Variants in CARMIL2 observed in about 807,000 individuals in gnomAD.
CARMIL2 encodes the protein capping protein, Arp2/3 and myosin-I linker protein 2.
CARMIL2 carries 96 observed loss-of-function variants against 173.3 expected under a neutral mutation model. The ratio of observed to expected loss-of-function variants is 0.55; its 90% CI spans 0.47 to 0.66. CARMIL2 has a LOEUF of 0.66. Among genes scored for constraint, CARMIL2 ranks in the 30% least tolerant of loss-of-function variants. CARMIL2 has a pLI of 0.00. For synonymous variants in CARMIL2, 830 were observed against 817.1 expected, an observed-to-expected ratio of 1.02 and a Z score of -0.27; for missense variants, 1,771 against 1,906.7, an observed-to-expected ratio of 0.93 and a Z score of 1.33.
Position 67,654,669 on chromosome 16 carries a change from A to G in CARMIL2, c.3559A>G (p.Thr1187Ala). ...MILLPAEEEA[T>A]LGARPDKRRP... Reference sequence around the variant, plus strand: ...ACTGCTGCCTGCCGAGGAGGAGGCAACGCTGGGTGCCAGACCCGACAAGGT... The same window carrying G: ...ACTGCTGCCTGCCGAGGAGGAGGCAGCGCTGGGTGCCAGACCCGACAAGGT... Residue 1187 changes from threonine (T) to alanine (A), a missense_variant, in exon 31 of 38, where the codon ACG becomes GCG. Coordinates refer to ENST00000334583, the MANE Select transcript of CARMIL2 (RefSeq NM_001013838.3). The G allele has an allele frequency of 6.3e-7, 1 of 1,587,324 alleles. No homozygotes were observed. The highest frequency in any genetic ancestry group is 8.6e-7 in the Non-Finnish European group (1 of 1,165,474).
At position 67,646,691 on chromosome 16, in the gene CARMIL2, T is replaced by C. The variant is rs776412703; in HGVS notation, c.467-23T>C. The C allele has an allele frequency of 1.2e-6, 2 of 1,612,962 alleles. No homozygotes were observed. The highest frequency in any genetic ancestry group is 1.1e-5 in the South Asian group (1 of 91,050). The stretch of plus-strand genomic sequence containing the variant: ...TGTTTTGTCTCTCTCCTTTTCCACA[T>C]CGCACCCCTATCCCCTCCCCAGGTG... On this transcript the variant is annotated intron_variant, in intron 6 of 37. Coordinates refer to ENST00000334583, the MANE Select transcript of CARMIL2 (RefSeq NM_001013838.3). This position sits in a 1 kb window ranked among gnomAD's most constrained non-coding sequence, Gnocchi z 4.6.
rs2052718302 is a variant in CARMIL2, at chr16:67,651,318, G to A, written c.2313+3G>A. On this transcript the variant is annotated splice_donor_region_variant and intron_variant, in intron 23 of 37. Transcript: ENST00000334583. This position sits in a 1 kb window ranked among gnomAD's most constrained non-coding sequence, Gnocchi z 4.2. ...AAAATGCCAACTTCTCTCTCAGCGT[G>A]AGCACTCCCCCTCCTGCTACAAGGA... 1.9e-6 allele frequency: 3 copies of A among 1,613,240 alleles called. No individual in the cohort carries two copies. The highest frequency in any genetic ancestry group is 1.7e-6 in the Non-Finnish European group (2 of 1,179,658).
chr16:67,652,838 G>A lies in CARMIL2; in HGVS notation c.2885-181G>A. 1 of 219,626 alleles carries A rather than the reference G, an allele frequency of 4.6e-6. No individual in the cohort carries two copies. The highest frequency in any genetic ancestry group is 8.7e-6 in the Non-Finnish European group (1 of 114,804). 13.6% of individuals were successfully genotyped at this position (219,626 alleles called of 1,614,324 possible). On this transcript the variant is annotated intron_variant, in intron 28 of 37. Transcript: ENST00000334583. The surrounding 1 kb of genome is among the most constrained non-coding windows in gnomAD (Gnocchi z 4.7). ...CGCGGAGCCGCGCGCGCTCGGGGCC[G>A]CGCTCAGCACCACGGACAGCGGCGG...
At chr16:67,647,471 C>G (rs1309956794) in intron 10 of CARMIL2, 37 bp from the exon 11 acceptor site, 3 of 1,570,664 alleles carry the variant, frequency 1.9e-6, no homozygotes, top group East Asian at 4.7e-5. Context: ...GTTGGCAAAC[C>G]AGGGGCAGAA....
chr16:67,654,248 C>T lies in CARMIL2; in HGVS notation c.3220C>T (p.Leu1074Phe), dbSNP rs759156083. ...CAAAAGGCTGATCCAGCAGGATCGC[C>T]TGTGAGTGAGGGGCATCTGCTGGGG... Reference protein sequence around the residue: ...FSKRLIQQDRLWAPEEDPATE... With the variant: ...FSKRLIQQDRFWAPEEDPATE... Residue 1074 changes from leucine to phenylalanine, a missense_variant and splice_region_variant, in exon 30 of 38, where the codon CTC (leucine) becomes TTC (phenylalanine). Around this residue, in one of 3 missense-constraint regions of CARMIL2, gnomAD observed 817 missense variants for 903.5 expected, o/e 0.90. Coordinates refer to ENST00000334583, the MANE Select transcript of CARMIL2 (RefSeq NM_001013838.3). The T allele has an allele frequency of 1.9e-6, 3 of 1,569,176 alleles. No individual in the cohort carries two copies. In the Admixed American group the frequency reaches 5.6e-5, roughly 29 times the overall value.
chr16:67,648,929 G>T lies in CARMIL2; in HGVS notation c.1546G>T (p.Val516Leu). 6.2e-7 allele frequency: 1 copy of T among 1,609,590 alleles called. No homozygotes were observed. ...SAGAQVIQDL[V>L]CDAGAVSSLD... is the part of the protein sequence containing the mutation. Reference sequence around the variant, plus strand: ...CGGCGCCCAGGTGATACAAGACTTAGTGTGCGACGCAGGCGCTGTGAGCTC... The same window carrying T: ...CGGCGCCCAGGTGATACAAGACTTATTGTGCGACGCAGGCGCTGTGAGCTC... The change falls in exon 17 of 38, where the codon GTG (valine) becomes TTG (leucine). Residue 516 changes from valine to leucine, a missense_variant. By Grantham distance (32) the Val-to-Leu change is conservative (BLOSUM62 1). This residue lies in a region of CARMIL2 where 944 missense variants were observed against 975.6 expected (regional missense o/e 0.97). Transcript: ENST00000334583. This position sits in a 1 kb window ranked among gnomAD's most constrained non-coding sequence, Gnocchi z 6.1.
Position 67,651,616 on chromosome 16 carries a change from T to G in CARMIL2, c.2428-69T>G. The stretch of plus-strand genomic sequence containing the variant: ...CCCCTGACTCAATATTCTGTTGGAG[T>G]TGGAGCCTCAAGCCAGCAGCCTGGT... On this transcript the variant is annotated intron_variant, in intron 24 of 37. Coordinates refer to ENST00000334583, the MANE Select transcript of CARMIL2 (RefSeq NM_001013838.3). The surrounding 1 kb of genome is among the most constrained non-coding windows in gnomAD (Gnocchi z 4.2). 3 of 1,575,694 alleles carry G rather than the reference T, an allele frequency of 1.9e-6. No individual in the cohort carries two copies. Among genetic ancestry groups the G allele is most frequent in the Non-Finnish European group, 2.6e-6 (3 of 1,161,360 alleles).
Position 67,647,578 on chromosome 16 carries a change from G to T in CARMIL2, c.847G>T (p.Ala283Ser), listed in dbSNP as rs749277056. 34 of 1,610,928 alleles carry T rather than the reference G, an allele frequency of 2.1e-5. No individual in the cohort carries two copies. The Admixed American group carries it at 3.5e-4, about 17-fold the overall frequency. ...CTCTGGGCTGCGGGAGCTCAGCCTCGCGGGGAACCTGCTGGATGACCGAGG... is the reference window on the plus strand; with the variant it reads ...CTCTGGGCTGCGGGAGCTCAGCCTCTCGGGGAACCTGCTGGATGACCGAGG... ...SSSGLRELSLAGNLLDDRGMT... is the reference protein window; with the variant it reads ...SSSGLRELSLSGNLLDDRGMT... The change falls in exon 11 of 38, where the codon GCG (alanine) becomes TCG (serine). Residue 283 changes from alanine (A) to serine (S), a missense_variant. Ala to Ser is a moderately conservative substitution (Grantham distance 99). Coordinates refer to ENST00000334583, the MANE Select transcript of CARMIL2 (RefSeq NM_001013838.3).
In CARMIL2 at chr16:67,651,591, C is replaced by A. The variant is rs1051883342; in HGVS notation, c.2427+77C>A. ...CATCCTTTAGTTTTAACTGTGATATCCCCTGACTCAATATTCTGTTGGAGT... is the reference window on the plus strand; with the variant it reads ...CATCCTTTAGTTTTAACTGTGATATACCCTGACTCAATATTCTGTTGGAGT... On this transcript the variant is annotated intron_variant, in intron 24 of 37. Coordinates refer to ENST00000334583, the MANE Select transcript of CARMIL2 (RefSeq NM_001013838.3). The surrounding 1 kb of genome is among the most constrained non-coding windows in gnomAD (Gnocchi z 4.2). The A allele has an allele frequency of 3.2e-6, 5 of 1,565,152 alleles. No homozygotes were observed. Among genetic ancestry groups the A allele is most frequent in the East Asian group, 2.4e-5 (1 of 42,254 alleles).
chr16:67,654,081 G>C (rs111443398), intron 29 of CARMIL2, 68 bp from the exon 30 acceptor site: 14 of 77,070 alleles, frequency 1.8e-4, no homozygotes, highest in South Asian at 1.3e-3. Context: ...GCTGCCGGCC[G>C]GGGGGGGGGG....
Position 67,645,718 on chromosome 16 carries a change from C to A in CARMIL2, c.133-6C>A. On this transcript the variant is annotated splice_polypyrimidine_tract_variant and splice_region_variant and intron_variant, in intron 2 of 37. Transcript: ENST00000334583. The stretch of plus-strand genomic sequence containing the variant: ...CTGCCCAGGATATCAGACTGTCTTT[C>A]CCCAGGCACTGCTACGATGGAGAGC... 1 of 1,613,440 alleles carries A rather than the reference C, an allele frequency of 6.2e-7. No homozygotes were observed. The highest frequency in any genetic ancestry group is 8.5e-7 in the Non-Finnish European group (1 of 1,179,868).
In CARMIL2 at chr16:67,645,606, A is replaced by T; in HGVS notation, c.107A>T (p.Glu36Val). ...ELLLKTWLPGEGAVQNHVLAL... is the reference protein window; with the variant it reads ...ELLLKTWLPGVGAVQNHVLAL... Reference sequence around the variant, plus strand: ...CTGCTGAAAACCTGGCTACCCGGGGAGGGTGCTGTGCAAAACCATGTCCTG... The same window carrying T: ...CTGCTGAAAACCTGGCTACCCGGGGTGGGTGCTGTGCAAAACCATGTCCTG... The change falls in exon 2 of 38, where the codon GAG becomes GTG. Residue 36 changes from glutamate to valine, a missense_variant. Physicochemically the swap from Glu to Val is moderately radical, Grantham distance 121. This residue lies in a region of CARMIL2 where 944 missense variants were observed against 975.6 expected (regional missense o/e 0.97). Transcript: ENST00000334583. 3.1e-6 allele frequency: 5 copies of T among 1,613,480 alleles called. No individual in the cohort carries two copies. Among genetic ancestry groups the T allele is most frequent in the Non-Finnish European group, 4.2e-6 (5 of 1,179,794 alleles).
Position 67,647,966 on chromosome 16 carries a change from G to A in CARMIL2, c.1071+8G>A. 2.5e-6 allele frequency: 4 copies of A among 1,604,874 alleles called. No individual in the cohort carries two copies. Among genetic ancestry groups the A allele is most frequent in the Non-Finnish European group, 3.4e-6 (4 of 1,175,272 alleles). ...GCCTCCGAGGACAGTGGGGTGAGTG[G>A]CTGTCTTCAGGGTGGGAGCTTGGGG... On this transcript the variant is annotated splice_region_variant and intron_variant, in intron 13 of 37. Transcript: ENST00000334583.
chr16:67,656,108 G>A, intron 33 of CARMIL2, 41 bp downstream of exon 33: 4 of 1,610,780 alleles, frequency 2.5e-6, no homozygotes, highest in Non-Finnish European at 3.4e-6. Flanking sequence ...TTTGCCAGGA[G>A]GTGTCCTTAT....
intron 10 of CARMIL2, 39 bp from the exon 11 acceptor site, chr16:67,647,469 A>G: frequency 1.3e-6 from 2 of 1,569,256 alleles, no homozygotes; most frequent in Non-Finnish European, 1.7e-6. Flanking sequence ...GGGTTGGCAA[A>G]CCAGGGGCAG....
chr16:67,649,326 C>G lies in CARMIL2; in HGVS notation c.1746+15C>G. The stretch of plus-strand genomic sequence containing the variant: ...ACGACGATTGTGTGAGTTCACGGGA[C>G]CTTGCAGGGCCTCGGGCAATTAGAC... On this transcript the variant is annotated intron_variant, in intron 19 of 37. Coordinates refer to ENST00000334583, the MANE Select transcript of CARMIL2 (RefSeq NM_001013838.3). This position sits in a 1 kb window ranked among gnomAD's most constrained non-coding sequence, Gnocchi z 6.7. 1 of 1,610,812 alleles carries G rather than the reference C, an allele frequency of 6.2e-7. No individual in the cohort carries two copies. Among genetic ancestry groups the G allele is most frequent in the Non-Finnish European group, 8.5e-7 (1 of 1,179,454 alleles).
At chr16:67,654,742 G>T in intron 31 of CARMIL2, 36 bp from the exon 32 acceptor site, 2 of 1,611,318 alleles carry the variant, frequency 1.2e-6, no homozygotes, top group Non-Finnish European at 1.7e-6. Flanking sequence ...GACCCAGGGC[G>T]CGGACTGTCT....
chr16:67,656,139 G>T, intron 33 of CARMIL2, 72 bp downstream of exon 33: 2 of 1,606,384 alleles, frequency 1.2e-6, no homozygotes, highest in Non-Finnish European at 1.7e-6. Flanking sequence ...CAAGGCACTT[G>T]CTCTCCTTGG....
rs932799155 is a variant in CARMIL2, at chr16:67,652,823, C to A, written c.2885-196C>A. 7.6e-6 allele frequency: 2 copies of A among 264,434 alleles called. No individual in the cohort carries two copies. The highest frequency in any genetic ancestry group is 4.6e-5 in the African/African-American group (2 of 43,368). 16.4% of individuals were successfully genotyped at this position (264,434 alleles called of 1,614,324 possible). Reference sequence around the variant, plus strand: ...CATGCTGGGCGGCGGCGCGGAGCCGCGCGCGCTCGGGGCCGCGCTCAGCAC... The same window carrying A: ...CATGCTGGGCGGCGGCGCGGAGCCGAGCGCGCTCGGGGCCGCGCTCAGCAC... On this transcript the variant is annotated intron_variant, in intron 28 of 37. Transcript: ENST00000334583. This position sits in a 1 kb window ranked among gnomAD's most constrained non-coding sequence, Gnocchi z 4.7.
Sources: allele counts gnomAD v4.1 joint callset, GRCh38; gene constraint gnomAD v4.1.1; regional missense constraint gnomAD v4.1.1; non-coding constraint Gnocchi (gnomAD v3.1); transcripts MANE v1.5; gene names NCBI Gene and HGNC (gene_info 2026-07-23, HGNC 2026-07-21).